The following POLDIP3 variants were observed in gnomAD, a reference collection of about 807,000 sequenced individuals.
POLDIP3 encodes polymerase delta-interacting protein 3.
A neutral mutation model predicts 45.1 loss-of-function variants in POLDIP3; 14 were observed. The observed-to-expected ratio is 0.31, with a 90% CI of 0.20 to 0.49. The LOEUF (loss-of-function observed/expected upper bound fraction) is 0.49. Among genes scored for constraint, POLDIP3 ranks in the 20% least tolerant of loss-of-function variants. POLDIP3 has a pLI of 0.99. For missense variants in POLDIP3, 511 were observed against 538.8 expected, an observed-to-expected ratio of 0.95 and a Z score of 0.51; for synonymous variants, 223 against 205.2, an observed-to-expected ratio of 1.09 and a Z score of -0.74.
Position 42,596,211 on chromosome 22 carries a change from G to T in POLDIP3, c.788C>A (p.Pro263His). Residue 263 changes from proline (P) to histidine (H), a missense_variant, in exon 5 of 9, where the codon CCC becomes CAC. Physicochemically the swap from Pro to His is moderately conservative, Grantham distance 77 (BLOSUM62 -2). This residue lies in a region of POLDIP3 where 378 missense variants were observed against 352.3 expected (regional missense o/e 1.07). Coordinates refer to ENST00000252115, the MANE Select transcript of POLDIP3 (RefSeq NM_032311.5). The stretch of plus-strand genomic sequence containing the variant: ...CTCAGCAGCTGGCAGCTCTTTGGGG[G>T]GTTCTTCCTTGTTCACCAGTGTCCG... ...MSRTLVNKEE[P>H]PKELPAAEPV... The T allele has an allele frequency of 6.2e-7, 1 of 1,614,178 alleles. No homozygotes were observed. The highest frequency in any genetic ancestry group is 8.5e-7 in the Non-Finnish European group (1 of 1,180,036).
At position 42,590,320 on chromosome 22, in the gene POLDIP3, C is replaced by A. The variant is rs192688188; in HGVS notation, c.1021+1635G>T. ...CCTCCCACCTCAGCCTCCCCAGCAT[C>A]TGGGACTACAGGCACACGCCACCAC... On this transcript the variant is annotated intron_variant, in intron 7 of 8. Coordinates refer to ENST00000252115, the MANE Select transcript of POLDIP3 (RefSeq NM_032311.5). 3.9e-3 allele frequency among the ~76,000 whole-genome samples: 595 copies of A among 152,356 alleles called. 4 individuals are homozygous for A. The highest frequency in any genetic ancestry group is 0.017 in the Middle Eastern group (5 of 294).
At chr22:42,604,362 T>A (rs1926591745) in intron 1 of POLDIP3, among the ~76,000 whole-genome samples, 1 of 152,100 alleles carries the variant, frequency 6.6e-6, no homozygotes, top group African/African-American at 2.4e-5. Context: ...CCTGGCTGAG[T>A]GTCAGAAACT....
chr22:42,588,889 G>A (rs564113913), intron 7 of POLDIP3, among the ~76,000 whole-genome samples: 2 of 152,064 alleles, frequency 1.3e-5, no homozygotes, highest in Non-Finnish European at 2.9e-5. Flanking sequence ...TTACAGGAGT[G>A]AGCCATTGTG....
At chr22:42,599,599 T>C (rs1250942834) in intron 4 of POLDIP3, 99 bp downstream of exon 4, 2 of 880,218 alleles carry the variant, frequency 2.3e-6, no homozygotes, top group East Asian at 2.6e-5. Flanking sequence ...AAGAGCGAGA[T>C]GTCGTCTCAA....
chr22:42,591,018 G>A (rs1024163336), intron 7 of POLDIP3, among the ~76,000 whole-genome samples: 1 of 151,086 alleles, frequency 6.6e-6, no homozygotes, highest in African/African-American at 2.4e-5. Context: ...AGGTTGCAGT[G>A]AGCTGAGATC....
intron 6 of POLDIP3, among the ~76,000 whole-genome samples, chr22:42,594,224 G>A (rs1287517306): frequency 6.6e-6 from 1 of 151,784 alleles, no homozygotes; most frequent in Non-Finnish European, 1.5e-5. Flanking sequence ...TCGCACTACT[G>A]GCACTCCAGC....
At chr22:42,598,400 A>G (rs2146816221) in intron 4 of POLDIP3, among the ~76,000 whole-genome samples, 1 of 151,358 alleles carries the variant, frequency 6.6e-6, no homozygotes, top group East Asian at 2.1e-4. Context: ...ACAGGCGCAC[A>G]CCACCACGCC....
rs201485471 is a variant in POLDIP3, at chr22:42,595,529, G to A, written c.891+8C>T. The A allele has an allele frequency of 1.8e-5, 29 of 1,612,402 alleles. No individual in the cohort carries two copies. The highest frequency in any genetic ancestry group is 3.3e-4 in the Middle Eastern group (2 of 6,078). ...AGATTTAAATGTTTGGTAGGTCACA[G>A]TACTTACAACAATGTCCTCCTCAGT... On this transcript the variant is annotated splice_region_variant and intron_variant, in intron 6 of 8. Coordinates refer to ENST00000252115, the MANE Select transcript of POLDIP3 (RefSeq NM_032311.5).
At chr22:42,593,953 T>A (rs1925827090) in intron 6 of POLDIP3, among the ~76,000 whole-genome samples, 1 of 152,202 alleles carries the variant, frequency 6.6e-6, no homozygotes, top group Non-Finnish European at 1.5e-5. Flanking sequence ...ACGGCATGCG[T>A]GTGTTTCACA....
intron 4 of POLDIP3, 63 bp from the exon 5 acceptor site, chr22:42,596,428 A>G (rs1164920310): frequency 1.3e-6 from 2 of 1,495,626 alleles, no homozygotes; most frequent in East Asian, 2.3e-5. Flanking sequence ...AGAAGCCCCA[A>G]GAGGTTGACA....
chr22:42,597,414 G>A (rs1055603145), intron 4 of POLDIP3, among the ~76,000 whole-genome samples: 2 of 152,290 alleles, frequency 1.3e-5, no homozygotes, highest in African/African-American at 4.8e-5. Flanking sequence ...TTCCTCATGT[G>A]GAATTCTGCG....
At position 42,584,835 on chromosome 22, in the gene POLDIP3, G is replaced by A. The variant is rs528802546; in HGVS notation, c.*956C>T. 2.2e-6 allele frequency: 1 copy of A among 453,892 alleles called. No individual in the cohort carries two copies. Among genetic ancestry groups the A allele is most frequent in the Non-Finnish European group, 4.4e-6 (1 of 225,990 alleles). The allele number at this position is 453,892 out of a possible 1,614,324, so 28.1% of individuals were successfully genotyped here. A position where few individuals can be genotyped will look rare whatever the true frequency, so the allele number is the denominator to read the frequency against. ...AGGCATCCCTGACCACTGTCCTGTAGACAACTGAGGCCAGAAATGGAGAGC... is the reference window on the plus strand; with the variant it reads ...AGGCATCCCTGACCACTGTCCTGTAAACAACTGAGGCCAGAAATGGAGAGC... On this transcript the variant is annotated 3_prime_UTR_variant, in exon 9 of 9. Coordinates refer to ENST00000252115, the MANE Select transcript of POLDIP3 (RefSeq NM_032311.5).
At chr22:42,604,776 C>T (rs1351023671) in intron 1 of POLDIP3, among the ~76,000 whole-genome samples, 1 of 152,190 alleles carries the variant, frequency 6.6e-6, no homozygotes, top group Non-Finnish European at 1.5e-5. Context: ...GGAAAAACAC[C>T]TGCTGCCTCC....
chr22:42,604,080 T>C (rs5758807), intron 1 of POLDIP3, among the ~76,000 whole-genome samples: 2 of 152,138 alleles, frequency 1.3e-5, no homozygotes, highest in East Asian at 3.9e-4. Flanking sequence ...CCCAAGGTCT[T>C]TGGGCTTCTT....
chr22:42,592,042 C>T lies in POLDIP3; in HGVS notation c.934G>A (p.Val312Ile). 1 of 1,614,230 alleles carries T rather than the reference C, an allele frequency of 6.2e-7. No homozygotes were observed. The highest frequency in any genetic ancestry group is 8.5e-7 in the Non-Finnish European group (1 of 1,180,042). ...ACCACCTCCGCTACCCCAGGATGGA[C>T]CAGTCGAGCTCGCTTGAGGGCCCCA... is the stretch of plus-strand genomic sequence containing the variant. ...VCGALKRARLVHPGVAEVVFV... is the reference protein window; with the variant it reads ...VCGALKRARLIHPGVAEVVFV... The change falls in exon 7 of 9, where the codon GTC becomes ATC. Residue 312 changes from valine (V) to isoleucine (I), a missense_variant. Val to Ile is a conservative substitution (Grantham distance 29, BLOSUM62 3). Coordinates refer to ENST00000252115, the MANE Select transcript of POLDIP3 (RefSeq NM_032311.5).
In POLDIP3 at chr22:42,603,065, T is replaced by C; in HGVS notation, c.155A>G (p.Gln52Arg). The C allele has an allele frequency of 6.2e-7, 1 of 1,614,234 alleles. No homozygotes were observed. The highest frequency in any genetic ancestry group is 8.5e-7 in the Non-Finnish European group (1 of 1,180,040). ...AATCTTCTGCCGGGCATCAAATCTCTGCTGGAAGGTGGCTGTGCGTGTTGA... is the reference window on the plus strand; with the variant it reads ...AATCTTCTGCCGGGCATCAAATCTCCGCTGGAAGGTGGCTGTGCGTGTTGA... Reference protein sequence around the residue: ...SQSTRTATFQQRFDARQKIGL... With the variant: ...SQSTRTATFQRRFDARQKIGL... Residue 52 changes from glutamine to arginine, a missense_variant, in exon 2 of 9, where the codon CAG (glutamine) becomes CGG (arginine). Physicochemically the swap from Gln to Arg is conservative, Grantham distance 43 (BLOSUM62 1). Around this residue, in one of 4 missense-constraint regions of POLDIP3, gnomAD observed 378 missense variants for 352.3 expected, o/e 1.07. Coordinates refer to ENST00000252115, the MANE Select transcript of POLDIP3 (RefSeq NM_032311.5).
At chr22:42,613,516 TTAG>T (rs1927257521) in intron 1 of POLDIP3, among the ~76,000 whole-genome samples, 1 of 152,096 alleles carries the variant, frequency 6.6e-6, no homozygotes, top group African/African-American at 2.4e-5. Flanking sequence ...TCCCAGCACT[TTAG>T]GAGGCCGAGG....
intron 7 of POLDIP3, among the ~76,000 whole-genome samples, chr22:42,588,692 G>C (rs1281453182): frequency 2.0e-5 from 3 of 149,624 alleles, no homozygotes; most frequent in Non-Finnish European, 3.0e-5. Flanking sequence ...GCAATGGTGC[G>C]ATCTCGGCTC....
rs191519325 is a variant in POLDIP3 at position 42,601,808 on chromosome 22, A to G, written c.537+162T>C. Among the ~76,000 whole-genome samples the G allele has an allele frequency of 2.0e-5, 3 of 152,302 alleles. No homozygotes were observed. The East Asian group carries it at 5.8e-4, about 29-fold the overall frequency. ...TTTCTTCTTTAAACTCAAATTGCAA[A>G]AAGTTCGCTGTAACCCTGCCTCCAA... On this transcript the variant is annotated intron_variant, in intron 3 of 8. Coordinates refer to ENST00000252115, the MANE Select transcript of POLDIP3 (RefSeq NM_032311.5).
Sources: gnomAD v4.1 joint callset for allele counts (sites outside exome capture counted in the v4.1 genomes callset) on GRCh38, gnomAD v4.1.1 for gene constraint, gnomAD v4.1.1 regional missense constraint, MANE v1.5 for transcripts, NCBI Gene and HGNC (gene_info 2026-07-23, HGNC 2026-07-21) for gene names.